The following NRG1 variants were observed in gnomAD, a reference collection of about 807,000 sequenced individuals.
NRG1 encodes the protein neuregulin 1, also known as pro-neuregulin-1, membrane-bound isoform.
A neutral mutation model predicts 63.8 loss-of-function variants in NRG1; 18 were observed. The observed-to-expected ratio is 0.28, with a 90% CI of 0.19 to 0.42. NRG1 has a LOEUF of 0.42. Ranked by LOEUF, NRG1 falls within the 10% of genes least tolerant of loss-of-function variation. NRG1 has a pLI of 1.00. For missense variants in NRG1, 762 were observed against 814.7 expected (o/e 0.94, Z 0.79); for synonymous variants, 302 against 301.3 (o/e 1.00, Z -0.02).
chr8:32,679,890 C>T (rs1808156286), intron 5 of NRG1, among the ~76,000 whole-genome samples: 1 of 152,176 alleles, frequency 6.6e-6, no homozygotes, highest in Non-Finnish European at 1.5e-5. Context: ...GCTAATGTGT[C>T]TCAATTCCTG....
chr8:31,762,744 G>A (rs905241287), intron 1 of NRG1, among the ~76,000 whole-genome samples: 1 of 152,070 alleles, frequency 6.6e-6, no homozygotes, highest in Non-Finnish European at 1.5e-5. Context: ...GATCCAGATA[G>A]CTTCATTAAT....
rs201573167 is a variant in NRG1 at position 32,519,491 on chromosome 8, T to G, written c.38-76337T>G. Among the ~76,000 whole-genome samples the G allele has an allele frequency of 3.4e-4, 3 of 8,766 alleles. No individual in the cohort carries two copies. In the South Asian group the frequency reaches 6.5e-3, roughly 19 times the overall value. 5.8% of individuals were successfully genotyped at this position (8,766 alleles called of 152,430 possible). A position where few individuals can be genotyped will look rare whatever the true frequency, so the allele number is the denominator to read the frequency against. The stretch of plus-strand genomic sequence containing the variant: ...TGGCTTCAGATAACATCTATGAAAA[T>G]AATAATAATAATAATAATGAGATTA... On this transcript the variant is annotated intron_variant, in intron 1 of 10. Transcript: ENST00000519301.
Position 31,640,490 on chromosome 8 carries a change from C to A in NRG1, c.37+1059C>A. The A allele has an allele frequency of 6.2e-7, 1 of 1,608,482 alleles. No homozygotes were observed. Among genetic ancestry groups the A allele is most frequent in the Non-Finnish European group, 8.5e-7 (1 of 1,178,288 alleles). On this transcript the variant is annotated intron_variant, in intron 1 of 10. Coordinates refer to the NRG1 transcript ENST00000519301. The surrounding 1 kb of genome is among the most constrained non-coding windows in gnomAD (Gnocchi z 6.3). The stretch of plus-strand genomic sequence containing the variant: ...CTGGTGAAGGTGCACCAGGTGTGGG[C>A]GGTGAAAGCCGGGGGCTTGAAGAAG...
chr8:32,220,002 T>G (rs113977920), intron 1 of NRG1, among the ~76,000 whole-genome samples: 1 of 152,032 alleles, frequency 6.6e-6, no homozygotes, highest in Non-Finnish European at 1.5e-5. Flanking sequence ...AAGTTTAACC[T>G]TGGAGAATGC....
chr8:32,078,284 T>A (rs1826915111), intron 1 of NRG1, among the ~76,000 whole-genome samples: 1 of 152,154 alleles, frequency 6.6e-6, no homozygotes, highest in South Asian at 2.1e-4. Context: ...TTCTCTCCCC[T>A]CTCTCCTGCC....
At chr8:32,508,740 T>C (rs1437479533) in intron 1 of NRG1, among the ~76,000 whole-genome samples, 1 of 152,106 alleles carries the variant, frequency 6.6e-6, no homozygotes, top group Non-Finnish European at 1.5e-5. Context: ...GGTTTTTTGT[T>C]TGTTTGTTTG....
intron 1 of NRG1, among the ~76,000 whole-genome samples, chr8:31,725,512 C>T (rs977618688): frequency 6.6e-6 from 1 of 152,090 alleles, no homozygotes; most frequent in Non-Finnish European, 1.5e-5. Flanking sequence ...GTTTTGAGGT[C>T]TCAGCACTTT....
rs11781438 is a variant in NRG1, at chr8:32,422,296, T to A, written c.38-173532T>A. 2.0e-3 allele frequency among the ~76,000 whole-genome samples: 312 copies of A among 152,298 alleles called. 2 individuals are homozygous for A. Among genetic ancestry groups the A allele is most frequent in the Non-Finnish European group, 1.7e-3 (117 of 68,026 alleles). Reference sequence around the variant, plus strand: ...TATATGATCATATTAAACATATTAGTTTATAACTTGTTCTTTGTTCCTTTT... The same window carrying A: ...TATATGATCATATTAAACATATTAGATTATAACTTGTTCTTTGTTCCTTTT... On this transcript the variant is annotated intron_variant, in intron 1 of 10. Coordinates refer to the NRG1 transcript ENST00000519301.
At chr8:31,713,268 C>G (rs545032836) in intron 1 of NRG1, among the ~76,000 whole-genome samples, 2 of 151,914 alleles carry the variant, frequency 1.3e-5, no homozygotes, top group Non-Finnish European at 2.9e-5. Context: ...AGGCGCCCAC[C>G]ACCAAGCCCG....
At chr8:32,378,945 G>A (rs972878634) in intron 1 of NRG1, among the ~76,000 whole-genome samples, 17 of 152,202 alleles carry the variant, frequency 1.1e-4, no homozygotes, top group Admixed American at 1.1e-3. Flanking sequence ...CAAAGGACAT[G>A]AACTCATCAT....
At chr8:32,524,575 G>T (rs1830634848) in intron 1 of NRG1, among the ~76,000 whole-genome samples, 1 of 151,688 alleles carries the variant, frequency 6.6e-6, no homozygotes, top group African/African-American at 2.4e-5. Context: ...AAACATTCCA[G>T]TTGCCAGATG....
At chr8:31,862,334 G>A (rs1164580941) in intron 1 of NRG1, among the ~76,000 whole-genome samples, 1 of 152,084 alleles carries the variant, frequency 6.6e-6, no homozygotes, top group African/African-American at 2.4e-5. Flanking sequence ...AAGCTGTAAA[G>A]CATTTCTAAA....
At chr8:32,670,720 C>T (rs1805420528) in intron 5 of NRG1, among the ~76,000 whole-genome samples, 1 of 152,168 alleles carries the variant, frequency 6.6e-6, no homozygotes. Context: ...GGTGCTCAGA[C>T]AGCATTTGCT....
chr8:32,558,201 C>T (rs769155810), intron 1 of NRG1, among the ~76,000 whole-genome samples: 4 of 152,128 alleles, frequency 2.6e-5, no homozygotes, highest in South Asian at 2.1e-4. Context: ...CACACAAGGC[C>T]GCCTTGACTG....
intron 1 of NRG1, among the ~76,000 whole-genome samples, chr8:32,564,706 A>G (rs750815877): frequency 2.0e-5 from 3 of 152,168 alleles, no homozygotes; most frequent in Non-Finnish European, 4.4e-5. Context: ...GAAGGTAGGA[A>G]TGTCAGTCTA....
chr8:32,515,584 A>G (rs1188897145), intron 1 of NRG1, among the ~76,000 whole-genome samples: 1 of 151,976 alleles, frequency 6.6e-6, no homozygotes, highest in African/African-American at 2.4e-5. Context: ...CTGGAACTAC[A>G]TATGTGTGCC....
rs189885933 is a variant in NRG1 at position 32,623,850 on chromosome 8, G to A, written c.502+6965G>A. 1.2e-3 allele frequency among the ~76,000 whole-genome samples: 189 copies of A among 152,270 alleles called. 1 individual carries two copies. The highest frequency in any genetic ancestry group is 4.2e-3 in the African/African-American group (175 of 41,548). On this transcript the variant is annotated intron_variant, in intron 5 of 11. Transcript: ENST00000356819. ...CTGTCTATCATTGCATTCCACCAGT[G>A]GAGGAGAGAATCTAAAAAGTTTTGA...
chr8:32,407,220 G>A (rs886174725), intron 1 of NRG1, among the ~76,000 whole-genome samples: 7 of 145,358 alleles, frequency 4.8e-5, no homozygotes, highest in East Asian at 2.0e-4. Context: ...ACTCTGTGAC[G>A]CAATTCAATG....
intron 1 of NRG1, among the ~76,000 whole-genome samples, chr8:31,820,355 A>G (rs1158853360): frequency 1.3e-5 from 2 of 152,178 alleles, no homozygotes; most frequent in African/African-American, 2.4e-5. Flanking sequence ...GTATTCTGGC[A>G]TGTAAGCAAA....
Sources: allele counts gnomAD v4.1 joint callset (sites outside exome capture counted in the v4.1 genomes callset), GRCh38; gene constraint gnomAD v4.1.1; non-coding constraint Gnocchi (gnomAD v3.1); transcripts MANE v1.5; gene names NCBI Gene and HGNC (gene_info 2026-07-23, HGNC 2026-07-21).